The following LARGE1 variants were observed in gnomAD, a reference collection of about 807,000 sequenced individuals.
The protein encoded by LARGE1 is xylosyl- and glucuronyltransferase LARGE1.
LARGE1 carries 43 observed loss-of-function variants against 87.6 expected under a neutral mutation model. The ratio of observed to expected loss-of-function variants is 0.49; its 90% CI spans 0.38 to 0.63. The LOEUF is 0.63. Among genes scored for constraint, LARGE1 ranks in the 30% least tolerant of loss-of-function variants. The pLI is 0.00. For missense variants in LARGE1, 802 were observed against 1,000.2 expected (o/e 0.80, Z 2.67); for synonymous variants, 434 against 394.6 (o/e 1.10, Z -1.18).
chr22:33,096,859 C>T, the LARGE1 span, among the ~76,000 whole-genome samples: 1 of 152,212 alleles, frequency 6.6e-6, no homozygotes, highest in Non-Finnish European at 1.5e-5. Context: ...GCCACCGCGC[C>T]CGGCGGATCT....
intron 9 of LARGE1, among the ~76,000 whole-genome samples, chr22:33,345,614 A>G (rs1939657318): frequency 6.6e-6 from 1 of 152,198 alleles, no homozygotes; most frequent in Non-Finnish European, 1.5e-5. Context: ...AAGGCTGAGT[A>G]TATGTGCCGA....
intron 2 of LARGE1, among the ~76,000 whole-genome samples, chr22:33,727,880 G>T (rs1257960981): frequency 2.0e-5 from 3 of 152,146 alleles, no homozygotes; most frequent in Admixed American, 2.0e-4. Context: ...TAGGGCAGGT[G>T]AGATTTGAGC....
intron 12 of LARGE1, among the ~76,000 whole-genome samples, chr22:33,303,487 C>T (rs1005813509): frequency 3.3e-5 from 5 of 152,258 alleles, no homozygotes; most frequent in Non-Finnish European, 7.4e-5. Context: ...GTGCCTGGCG[C>T]GCAGCAAACA....
intron 2 of LARGE1, among the ~76,000 whole-genome samples, chr22:33,709,092 C>T (rs2082648900): frequency 6.6e-6 from 1 of 152,218 alleles, no homozygotes; most frequent in African/African-American, 2.4e-5. Flanking sequence ...CATCCCCAGT[C>T]ACATTCCTGG....
chr22:33,173,925 A>C (rs1055191503), intron 11 of LARGE1, among the ~76,000 whole-genome samples: 1 of 152,236 alleles, frequency 6.6e-6, no homozygotes, highest in Non-Finnish European at 1.5e-5. Flanking sequence ...AATATTAGAC[A>C]GATCAATGAG....
chr22:33,787,826 G>A (rs1004024399), intron 1 of LARGE1, among the ~76,000 whole-genome samples: 1 of 152,222 alleles, frequency 6.6e-6, no homozygotes, highest in African/African-American at 2.4e-5. Context: ...CTTTTGGCTA[G>A]TAGCAGCATC....
intron 2 of LARGE1, among the ~76,000 whole-genome samples, chr22:33,707,256 C>A (rs187742195): frequency 6.6e-6 from 1 of 152,252 alleles, no homozygotes; most frequent in Non-Finnish European, 1.5e-5. Flanking sequence ...CGGGGCCACA[C>A]CTGCCCCCTG....
At chr22:33,342,153 A>T (rs1939219274) in intron 9 of LARGE1, among the ~76,000 whole-genome samples, 1 of 152,166 alleles carries the variant, frequency 6.6e-6, no homozygotes, top group South Asian at 2.1e-4. Flanking sequence ...AAATAATTGC[A>T]TGTGGGCTGG....
chr22:33,509,107 G>A (rs1006283179), intron 6 of LARGE1, among the ~76,000 whole-genome samples: 1 of 152,084 alleles, frequency 6.6e-6, no homozygotes. Context: ...AAAATGATCC[G>A]CCTAACCCAG....
At chr22:33,142,341 G>A in the LARGE1 span, among the ~76,000 whole-genome samples, 1 of 152,038 alleles carries the variant, frequency 6.6e-6, no homozygotes, top group African/African-American at 2.4e-5. Context: ...GTTGGCTCTC[G>A]CATTCCCCCA....
chr22:33,918,106 C>A (rs2065839917), intron 1 of LARGE1, among the ~76,000 whole-genome samples: 1 of 152,194 alleles, frequency 6.6e-6, no homozygotes, highest in South Asian at 2.1e-4. Context: ...TTCGTCACAA[C>A]CTTCCCAAGA....
chr22:33,096,267 T>C, the LARGE1 span, among the ~76,000 whole-genome samples: 1 of 151,840 alleles, frequency 6.6e-6, no homozygotes. Flanking sequence ...AATACAAAAA[T>C]TAGCTGGGCA....
downstream of LARGE1, among the ~76,000 whole-genome samples, chr22:33,158,396 A>G (rs1219697316): frequency 2.0e-5 from 3 of 152,238 alleles, no homozygotes; most frequent in East Asian, 1.9e-4. Context: ...ATGTTTGAAC[A>G]TCAATTGACA....
At chr22:33,385,686 C>G (rs980952684) in intron 7 of LARGE1, among the ~76,000 whole-genome samples, 1 of 147,756 alleles carries the variant, frequency 6.8e-6, no homozygotes, top group African/African-American at 2.5e-5. Flanking sequence ...TTAGAGCAAG[C>G]AGAAAAAGCC....
chr22:33,411,199 C>T (rs534169447), intron 7 of LARGE1, among the ~76,000 whole-genome samples: 39 of 152,124 alleles, frequency 2.6e-4, no homozygotes, highest in Non-Finnish European at 4.6e-4. Flanking sequence ...TTTTCAGGAA[C>T]GGCCACCCCC....
chr22:33,681,360 G>A (rs1000586380), intron 2 of LARGE1, among the ~76,000 whole-genome samples: 6 of 152,226 alleles, frequency 3.9e-5, no homozygotes, highest in African/African-American at 1.4e-4. Flanking sequence ...GGAGCAAGGA[G>A]TCAAGGGCCC....
At chr22:33,818,573 T>A (rs1304692074) in intron 1 of LARGE1, among the ~76,000 whole-genome samples, 1 of 152,082 alleles carries the variant, frequency 6.6e-6, no homozygotes, top group Non-Finnish European at 1.5e-5. Context: ...CAATCAGTAT[T>A]TGTTGATAGC....
intron 5 of LARGE1, among the ~76,000 whole-genome samples, chr22:33,587,760 G>A (rs1470246719): frequency 6.7e-6 from 1 of 150,292 alleles, no homozygotes; most frequent in Non-Finnish European, 1.5e-5. Flanking sequence ...TTTTCCTTAG[G>A]CACACAGAAA....
At chr22:33,314,620 A>C (rs1177568611) in intron 11 of LARGE1, among the ~76,000 whole-genome samples, 1 of 152,184 alleles carries the variant, frequency 6.6e-6, no homozygotes, top group African/African-American at 2.4e-5. Context: ...AATCCTTAGA[A>C]CAATCCCATG....
Sources: gnomAD v4.1 joint callset for allele counts (sites outside exome capture counted in the v4.1 genomes callset) on GRCh38, gnomAD v4.1.1 for gene constraint, MANE v1.5 for transcripts, NCBI Gene and HGNC (gene_info 2026-07-23, HGNC 2026-07-21) for gene names.